HOMER1: variants seen among roughly 807,000 people sequenced by gnomAD.
The protein encoded by HOMER1 is homer scaffold protein 1.
Under a neutral mutation model 48.9 loss-of-function variants are expected in HOMER1, and 3 were observed. The ratio of observed to expected loss-of-function variants is 0.06; its 90% CI spans 0.03 to 0.16. The LOEUF (loss-of-function observed/expected upper bound fraction) is 0.16. Among genes scored for constraint, HOMER1 ranks in the 10% least tolerant of loss-of-function variants. The probability of loss-of-function intolerance (pLI) is 1.00; values close to 1 mark genes in which losing one functional copy is unlikely to be tolerated. For missense variants in HOMER1, 247 were observed against 411.4 expected (o/e 0.60, Z 3.46); for synonymous variants, 134 against 146.4 (o/e 0.92, Z 0.61).
chr5:79,454,268 G>A (rs3884505), intron 2 of HOMER1, among the ~76,000 whole-genome samples: 31,931 of 151,876 alleles, frequency 0.21, 3,686 homozygotes, highest in East Asian at 0.37. Context: ...TCTTTTCTCC[G>A]ACATGGGACT....
intron 6 of HOMER1, among the ~76,000 whole-genome samples, chr5:79,398,222 A>AT (rs1458764445): frequency 1.3e-5 from 2 of 151,976 alleles, no homozygotes; most frequent in East Asian, 1.9e-4. Context: ...AGCACTTGGT[A>AT]TTTTTTGAGA....
At chr5:79,380,294 C>T (rs1748933458) in intron 8 of HOMER1, among the ~76,000 whole-genome samples, 2 of 152,162 alleles carry the variant, frequency 1.3e-5, no homozygotes, top group South Asian at 2.1e-4. Flanking sequence ...GCGCTGGGTG[C>T]CACACAACCC....
chr5:79,400,901 T>A (rs1749520592), intron 6 of HOMER1, among the ~76,000 whole-genome samples: 1 of 144,950 alleles, frequency 6.9e-6, no homozygotes, highest in Non-Finnish European at 1.5e-5. Context: ...TGTGTCCCCA[T>A]GCTTGGTTAA....
chr5:79,390,844 G>A (rs188300675), intron 8 of HOMER1, among the ~76,000 whole-genome samples: 18 of 152,030 alleles, frequency 1.2e-4, no homozygotes, highest in African/African-American at 4.3e-4. Context: ...TACAGCTGTT[G>A]TATGAAAAGG....
At chr5:79,481,480 G>C (rs1751942271) in intron 1 of HOMER1, among the ~76,000 whole-genome samples, 1 of 152,186 alleles carries the variant, frequency 6.6e-6, no homozygotes, top group African/African-American at 2.4e-5. Context: ...TTAAGACAAA[G>C]TTGAAAATTT....
intron 8 of HOMER1, among the ~76,000 whole-genome samples, chr5:79,383,422 G>C (rs531422683): frequency 1.9e-4 from 28 of 145,062 alleles, no homozygotes; most frequent in African/African-American, 7.2e-4. Flanking sequence ...CTCTAGCTCT[G>C]TCACCTAGAC....
At chr5:79,432,545 T>G (rs778344203) in intron 5 of HOMER1, among the ~76,000 whole-genome samples, 12 of 152,168 alleles carry the variant, frequency 7.9e-5, no homozygotes, top group Non-Finnish European at 1.3e-4. Context: ...AAGAATAGTT[T>G]TTTTCTTGTG....
chr5:79,465,355 AT>A (rs1751428179), intron 1 of HOMER1, among the ~76,000 whole-genome samples: 2 of 152,064 alleles, frequency 1.3e-5, no homozygotes, highest in Admixed American at 1.3e-4. Context: ...AGAAAAAAAA[AT>A]GTATGATCTG....
chr5:79,478,537 AAAAT>A (rs753066669), intron 1 of HOMER1, among the ~76,000 whole-genome samples: 1 of 151,814 alleles, frequency 6.6e-6, no homozygotes, highest in Non-Finnish European at 1.5e-5. Context: ...AAAATACAAA[AAAAT>A]AAATAAATAA....
At chr5:79,485,026 G>T (rs1324680075) in intron 1 of HOMER1, among the ~76,000 whole-genome samples, 4 of 152,090 alleles carry the variant, frequency 2.6e-5, no homozygotes. Flanking sequence ...TGCCCAGTCT[G>T]CTGGGGGCTG....
chr5:79,414,220 C>T (rs1054460805), intron 5 of HOMER1, among the ~76,000 whole-genome samples: 1 of 151,390 alleles, frequency 6.6e-6, no homozygotes, highest in Non-Finnish European at 1.5e-5. Context: ...GTAGCTGGGA[C>T]TACAGGCATG....
At chr5:79,497,722 T>A (rs565717008) in intron 1 of HOMER1, among the ~76,000 whole-genome samples, 1 of 150,642 alleles carries the variant, frequency 6.6e-6, no homozygotes, top group Admixed American at 6.6e-5. Flanking sequence ...TTCAAACTTC[T>A]AGTTTTTGCA....
intron 8 of HOMER1, among the ~76,000 whole-genome samples, chr5:79,377,485 T>C (rs2112181730): frequency 6.6e-6 from 1 of 152,314 alleles, no homozygotes; most frequent in South Asian, 2.1e-4. Flanking sequence ...ACTTTTACAT[T>C]TGAGAGAAAC....
intron 1 of HOMER1, among the ~76,000 whole-genome samples, chr5:79,465,768 AT>A (rs1751447915): frequency 6.6e-6 from 1 of 151,040 alleles, no homozygotes; most frequent in African/African-American, 2.4e-5. Context: ...AATTTTTTGT[AT>A]TTTTTAGTAG....
rs2112213706 is a variant in HOMER1 at position 79,396,873 on chromosome 5, T to C, written c.826A>G (p.Asn276Asp). The C allele has an allele frequency of 1.9e-6, 3 of 1,602,408 alleles. No individual in the cohort carries two copies. The highest frequency in any genetic ancestry group is 2.2e-5 in the East Asian group (1 of 44,626). The change falls in exon 8 of 9, where the codon AAT becomes GAT. Residue 276 changes from asparagine to aspartate, a missense_variant. By Grantham distance (23) the Asn-to-Asp change is conservative. Around this residue, in one of 4 missense-constraint regions of HOMER1, gnomAD observed 113 missense variants for 152.5 expected, o/e 0.74. Coordinates refer to ENST00000334082, the MANE Select transcript of HOMER1 (RefSeq NM_004272.5). ...EIERLKQEID[N>D]ARELQEQRDS... is the part of the protein sequence containing the mutation. Reference sequence around the variant, plus strand: ...CTCTGTTCTTGTAGTTCTCTGGCATTATCAATTTCTTGTTTTAACCTTTCT... The same window carrying C: ...CTCTGTTCTTGTAGTTCTCTGGCATCATCAATTTCTTGTTTTAACCTTTCT...
At chr5:79,511,167 T>C (rs1005989537) in intron 1 of HOMER1, among the ~76,000 whole-genome samples, 5 of 152,168 alleles carry the variant, frequency 3.3e-5, no homozygotes, top group Admixed American at 2.6e-4. Context: ...GCTGCTTGAT[T>C]TTTTTTCCTC....
At chr5:79,457,344 T>C (rs962399506) in intron 1 of HOMER1, among the ~76,000 whole-genome samples, 1 of 152,202 alleles carries the variant, frequency 6.6e-6, no homozygotes, top group African/African-American at 2.4e-5. Context: ...ATGCATCACC[T>C]GACATGGCAC....
At chr5:79,471,551 GAAAAAAAAAAA>G (rs55724615) in intron 1 of HOMER1, among the ~76,000 whole-genome samples, 61 of 97,682 alleles carry the variant, frequency 6.2e-4, no homozygotes, top group African/African-American at 1.7e-3. Context: ...CCATCTCAAA[GAAAAAAAAAAA>G]AAAAAAAAAA....
chr5:79,379,852 G>C (rs1748920629), intron 8 of HOMER1, among the ~76,000 whole-genome samples: 1 of 152,096 alleles, frequency 6.6e-6, no homozygotes, highest in Admixed American at 6.6e-5. Context: ...GGGGCAACTA[G>C]AGAGAGGCAT....
Sources: gnomAD v4.1 joint callset for allele counts (sites outside exome capture counted in the v4.1 genomes callset) on GRCh38, gnomAD v4.1.1 for gene constraint, gnomAD v4.1.1 regional missense constraint, MANE v1.5 for transcripts, NCBI Gene and HGNC (gene_info 2026-07-23, HGNC 2026-07-21) for gene names.